The following PRRC2B variants were observed in gnomAD, a reference collection of about 807,000 sequenced individuals.
PRRC2B encodes the protein proline rich coiled-coil 2B, also known as protein PRRC2B.
PRRC2B carries 68 observed loss-of-function variants against 242.3 expected under a neutral mutation model. The observed-to-expected ratio is 0.28, with a 90% CI of 0.23 to 0.34. The LOEUF (loss-of-function observed/expected upper bound fraction) is 0.34. Ranked by LOEUF, PRRC2B falls within the 10% of genes least tolerant of loss-of-function variation. PRRC2B has a pLI of 1.00. For synonymous variants in PRRC2B, 1,228 were observed against 1,173.6 expected (o/e 1.05, Z -0.95); for missense variants, 2,835 against 2,954.8 (o/e 0.96, Z 0.94).
Position 131,494,950 on chromosome 9 carries a change from G to A in PRRC2B, c.6555+464G>A, listed in dbSNP as rs554185691. Among the ~76,000 whole-genome samples the A allele has an allele frequency of 2.4e-4, 37 of 152,294 alleles. No individual in the cohort carries two copies. The highest frequency in any genetic ancestry group is 1.9e-3 in the Admixed American group (29 of 15,300). On this transcript the variant is annotated intron_variant, in intron 31 of 31. Transcript: ENST00000683519. This position sits in a 1 kb window ranked among gnomAD's most constrained non-coding sequence, Gnocchi z 4.3. The stretch of plus-strand genomic sequence containing the variant: ...GACATCGCAGTGTCTTTTCCTGCAC[G>A]CACTATTCTCTTCTCTATTCTCTAA...
In PRRC2B at chr9:131,477,952, A is replaced by G; in HGVS notation, c.4612+3A>G. The G allele has an allele frequency of 6.2e-7, 1 of 1,613,082 alleles. No homozygotes were observed. Among genetic ancestry groups the G allele is most frequent in the Non-Finnish European group, 8.5e-7 (1 of 1,179,088 alleles). On this transcript the variant is annotated splice_donor_region_variant and intron_variant, in intron 17 of 31. Coordinates refer to ENST00000683519, the MANE Select transcript of PRRC2B (RefSeq NM_013318.4). ...ACAGTTTGACCTGAACTATGGAAGTAAGTCATCCTCATATCTTCAGGGGAA... is the reference window on the plus strand; with the variant it reads ...ACAGTTTGACCTGAACTATGGAAGTGAGTCATCCTCATATCTTCAGGGGAA...
chr9:131,383,600 CTTTTTTT>C (rs561717754), intron 1 of PRRC2B, among the ~76,000 whole-genome samples: 9 of 120,598 alleles, frequency 7.5e-5, no homozygotes, highest in South Asian at 5.3e-4. Flanking sequence ...TTTGGTTTCT[CTTTTTTT>C]TTTTTTTTTT....
rs760500226 is a variant in PRRC2B, at chr9:131,475,683, C to T, written c.3554C>T (p.Ser1185Phe). The T allele has an allele frequency of 6.2e-6, 10 of 1,612,534 alleles. No individual in the cohort carries two copies. In the East Asian group the frequency reaches 1.6e-4, roughly 25 times the overall value. Residue 1185 changes from serine (S) to phenylalanine (F), a missense_variant, in exon 16 of 32, where the codon TCT (serine) becomes TTT (phenylalanine). By Grantham distance (155) the Ser-to-Phe change is radical. This residue lies in a region of PRRC2B where 1,536 missense variants were observed against 1,483.1 expected (regional missense o/e 1.04). Coordinates refer to ENST00000683519, the MANE Select transcript of PRRC2B (RefSeq NM_013318.4). ...TCTTGGCGGTCCAACAAGGGGTGCT[C>T]TGAGGACCACAGCGGTCTAGATGCC... Reference protein sequence around the residue: ...RDSWRSNKGCSEDHSGLDAKS... With the variant: ...RDSWRSNKGCFEDHSGLDAKS...
At chr9:131,448,993 G>C (rs571287519) in intron 9 of PRRC2B, among the ~76,000 whole-genome samples, 1 of 152,252 alleles carries the variant, frequency 6.6e-6, no homozygotes, top group Non-Finnish European at 1.5e-5. Context: ...CTGCTCTTCT[G>C]ATTCACTTTA....
At chr9:131,436,557 A>G in intron 3 of PRRC2B, 63 bp from the exon 4 acceptor site, 1 of 1,318,114 alleles carries the variant, frequency 7.6e-7, no homozygotes. Flanking sequence ...GCTCCTGAGA[A>G]CGCAGAGACC....
Position 131,474,886 on chromosome 9 carries a change from T to C in PRRC2B, c.2757T>C (p.Thr919=). ...AGCCATCCTCGGAGCCTGAATGGAC[T>C]CCCGAGCCCCGGAGCTCCAGCAGCC... ...NKQPSSEPEW[T]PEPRSSSSQH... Residue 919 remains threonine (T), a synonymous_variant, in exon 16 of 32, where the codon ACT becomes ACC. Transcript: ENST00000683519. 6.3e-7 allele frequency: 1 copy of C among 1,596,848 alleles called. No individual in the cohort carries two copies. Among genetic ancestry groups the C allele is most frequent in the South Asian group, 1.1e-5 (1 of 88,644 alleles).
chr9:131,439,784 A>T (rs1838496732), intron 5 of PRRC2B, among the ~76,000 whole-genome samples: 1 of 152,182 alleles, frequency 6.6e-6, no homozygotes, highest in African/African-American at 2.4e-5. Flanking sequence ...TGCCAGCAGG[A>T]GTGCAGTGGC....
intron 9 of PRRC2B, among the ~76,000 whole-genome samples, chr9:131,452,443 C>T (rs573881265): frequency 1.4e-4 from 22 of 152,124 alleles, no homozygotes; most frequent in African/African-American, 5.1e-4. Flanking sequence ...GTGAGTTTTT[C>T]GGTAAGTTGT....
At chr9:131,402,675 T>G (rs1837256763) in intron 1 of PRRC2B, among the ~76,000 whole-genome samples, 1 of 152,168 alleles carries the variant, frequency 6.6e-6, no homozygotes, top group African/African-American at 2.4e-5. Context: ...CACCTCAGTC[T>G]GGGTGTGGGG....
intron 1 of PRRC2B, among the ~76,000 whole-genome samples, chr9:131,421,609 C>T (rs547685635): frequency 1.1e-4 from 16 of 152,340 alleles, no homozygotes; most frequent in African/African-American, 2.9e-4. Context: ...CCCAGCCTCA[C>T]GGCCAGGGCA....
At chr9:131,407,671 T>A (rs892885025) in intron 1 of PRRC2B, among the ~76,000 whole-genome samples, 1 of 152,160 alleles carries the variant, frequency 6.6e-6, no homozygotes, top group Non-Finnish European at 1.5e-5. Context: ...TAGCTCCCAC[T>A]TCAGTATTTT....
intron 10 of PRRC2B, among the ~76,000 whole-genome samples, chr9:131,455,455 C>T (rs1943043122): frequency 6.6e-6 from 1 of 151,632 alleles, no homozygotes; most frequent in South Asian, 2.1e-4. Context: ...GGCTGTCGTG[C>T]CCAAAAAGGC....
chr9:131,437,050 C>T (rs527998084), intron 4 of PRRC2B, among the ~76,000 whole-genome samples: 8 of 152,170 alleles, frequency 5.3e-5, no homozygotes, highest in South Asian at 2.1e-4. Context: ...TCCATGGAAG[C>T]GTCACGTGAG....
chr9:131,426,239 G>A (rs893362973), intron 1 of PRRC2B, among the ~76,000 whole-genome samples: 7 of 149,056 alleles, frequency 4.7e-5, no homozygotes, highest in African/African-American at 1.7e-4. Flanking sequence ...TCAGGAGGCT[G>A]ACACAGGAGA....
At chr9:131,427,994 T>C (rs1398745397) in intron 1 of PRRC2B, among the ~76,000 whole-genome samples, 2 of 152,208 alleles carry the variant, frequency 1.3e-5, no homozygotes, top group Non-Finnish European at 2.9e-5. Context: ...CAATCTCGGC[T>C]CACTGCAACC....
Position 131,400,984 on chromosome 9 carries a change from G to A in PRRC2B, c.-52+6721G>A, listed in dbSNP as rs868390558. On this transcript the variant is annotated intron_variant, in intron 1 of 31. Transcript: ENST00000683519. ...CTTTCTTTTTTTTTTTTTTTGAGACGGAGTTTTGCTCTTGTTGCCTAGGCT... is the reference window on the plus strand; with the variant it reads ...CTTTCTTTTTTTTTTTTTTTGAGACAGAGTTTTGCTCTTGTTGCCTAGGCT... 3.2e-4 allele frequency among the ~76,000 whole-genome samples: 47 copies of A among 147,166 alleles called. No individual in the cohort carries two copies. The Middle Eastern group carries it at 0.01, about 32-fold the overall frequency.
rs367574702 is a variant in PRRC2B, at chr9:131,478,576, G to T, written c.4715G>T (p.Arg1572Leu). ...GAAGTCCTGACCAAGAAGCAGCGCC[G>T]CCTGCTGGAGGAAGAGAGAAGAAAG... ...FIEVLTKKQR[R>L]LLEEERRKKE... is the part of the protein sequence containing the mutation. The change falls in exon 18 of 32, where the codon CGC becomes CTC. Residue 1572 changes from arginine to leucine, a missense_variant. By Grantham distance (102) the Arg-to-Leu change is moderately radical. Around this residue, in one of 7 missense-constraint regions of PRRC2B, gnomAD observed 1,536 missense variants for 1,483.1 expected, o/e 1.04. Coordinates refer to ENST00000683519, the MANE Select transcript of PRRC2B (RefSeq NM_013318.4). The T allele has an allele frequency of 7.9e-6, 12 of 1,512,134 alleles. No individual in the cohort carries two copies. The highest frequency in any genetic ancestry group is 8.1e-6 in the Non-Finnish European group (9 of 1,117,700). 93.7% of individuals were successfully genotyped at this position (1,512,134 alleles called of 1,614,324 possible). A position where few individuals can be genotyped will look rare whatever the true frequency, so the allele number is the denominator to read the frequency against.
At chr9:131,425,722 C>T (rs1347230104) in intron 1 of PRRC2B, among the ~76,000 whole-genome samples, 3 of 149,128 alleles carry the variant, frequency 2.0e-5, no homozygotes, top group Non-Finnish European at 4.5e-5. Context: ...ATCTCCTGAC[C>T]TCGTGATCAC....
intron 26 of PRRC2B, chr9:131,486,617 T>C (rs1445217878): frequency 4.6e-6 from 4 of 867,530 alleles, no homozygotes; most frequent in Non-Finnish European, 5.5e-6. Context: ...GGGGTGATTT[T>C]TGGAAGTCTC....
Sources: allele counts gnomAD v4.1 joint callset (sites outside exome capture counted in the v4.1 genomes callset), GRCh38; gene constraint gnomAD v4.1.1; regional missense constraint gnomAD v4.1.1; non-coding constraint Gnocchi (gnomAD v3.1); transcripts MANE v1.5; gene names NCBI Gene and HGNC (gene_info 2026-07-23, HGNC 2026-07-21).